The following ULK2 variants were observed in gnomAD, a reference collection of about 807,000 sequenced individuals.
The protein encoded by ULK2 is unc-51 like autophagy activating kinase 2, also known as serine/threonine-protein kinase ULK2.
Under a neutral mutation model 127.5 loss-of-function variants are expected in ULK2, and 76 were observed. The ratio of observed to expected loss-of-function variants is 0.60; its 90% confidence interval spans 0.50 to 0.72. The LOEUF (loss-of-function observed/expected upper bound fraction) is 0.72, where lower values mean the gene tolerates loss of function less well. Ranked by LOEUF, ULK2 falls within the 30% of genes least tolerant of loss-of-function variation. The probability of loss-of-function intolerance (pLI) is 0.00; values close to 1 mark genes in which losing one functional copy is unlikely to be tolerated. For missense variants in ULK2, 1,144 were observed against 1,295.9 expected, an observed-to-expected ratio of 0.88 and a Z score of 1.80; for synonymous variants, 452 against 461.9, an observed-to-expected ratio of 0.98 and a Z score of 0.28.
At chr17:19,865,214 C>T (rs2042327635) in intron 2 of ULK2, among the ~76,000 whole-genome samples, 1 of 152,116 alleles carries the variant, frequency 6.6e-6, no homozygotes, top group Non-Finnish European at 1.5e-5. Flanking sequence ...CTTTAATGAG[C>T]CATAGGCTTT....
intron 16 of ULK2, among the ~76,000 whole-genome samples, chr17:19,800,890 G>A (rs561695189): frequency 2.0e-5 from 3 of 152,170 alleles, no homozygotes; most frequent in Non-Finnish European, 4.4e-5. Flanking sequence ...TCTGCAGTTT[G>A]AGCTTTTATT....
chr17:19,778,466 C>T (rs923986554), intron 25 of ULK2, among the ~76,000 whole-genome samples: 1 of 152,114 alleles, frequency 6.6e-6, no homozygotes, highest in African/African-American at 2.4e-5. Context: ...AGGGGCTCTC[C>T]AGAAAGAGGG....
chr17:19,782,962 G>A (rs1268251480), intron 22 of ULK2, among the ~76,000 whole-genome samples: 1 of 143,416 alleles, frequency 7.0e-6, no homozygotes, highest in Non-Finnish European at 1.5e-5. Flanking sequence ...AAATAAATGG[G>A]TATTCTAGAT....
Position 19,786,054 on chromosome 17 carries a change from G to A in ULK2, c.2134C>T (p.Pro712Ser). The A allele has an allele frequency of 6.4e-7, 1 of 1,571,068 alleles. No homozygotes were observed. Among genetic ancestry groups the A allele is most frequent in the Non-Finnish European group, 8.6e-7 (1 of 1,165,170 alleles). ...PAGACGGVLA[P>S]PAGTAASSKA... ...GAACTTGCTGCTGTACCTGCAGGAG[G>A]TGCCAGAACACCACCACAGGCTCCT... The change falls in exon 21 of 27, where the codon CCT becomes TCT. Residue 712 changes from proline to serine, a missense_variant. Around this residue, in one of 2 missense-constraint regions of ULK2, gnomAD observed 913 missense variants for 970.5 expected, o/e 0.94. Coordinates refer to ENST00000395544, the MANE Select transcript of ULK2 (RefSeq NM_014683.4).
intron 3 of ULK2, among the ~76,000 whole-genome samples, chr17:19,853,446 G>T (rs2042060481): frequency 6.6e-6 from 1 of 151,378 alleles, no homozygotes. Flanking sequence ...CCTAATTCCT[G>T]GTTTCTAAAC....
At chr17:19,840,220 C>A in intron 9 of ULK2, 1 of 503,656 alleles carries the variant, frequency 2.0e-6, no homozygotes, top group Non-Finnish European at 4.1e-6. Flanking sequence ...ACCCGACGGG[C>A]GCAAGTTGAG....
At chr17:19,842,232 T>C (rs1367253893) in intron 8 of ULK2, among the ~76,000 whole-genome samples, 1 of 147,260 alleles carries the variant, frequency 6.8e-6, no homozygotes, top group Non-Finnish European at 1.5e-5. Context: ...AGTTTCGCTC[T>C]TGTTGCCCAG....
intron 13 of ULK2, among the ~76,000 whole-genome samples, chr17:19,814,429 TATA>T (rs1567696415): frequency 2.4e-4 from 4 of 16,714 alleles, no homozygotes; most frequent in Admixed American, 7.6e-4. Flanking sequence ...TATATATATA[TATA>T]TATATATTTT....
intron 25 of ULK2, 90 bp downstream of exon 25, chr17:19,780,382 T>C: frequency 4.1e-6 from 5 of 1,231,224 alleles, no homozygotes; most frequent in Non-Finnish European, 5.4e-6. Context: ...ACATTATCTT[T>C]TAAAAGGATA....
chr17:19,787,023 G>A (rs1290396453), intron 20 of ULK2, among the ~76,000 whole-genome samples: 5 of 146,506 alleles, frequency 3.4e-5, no homozygotes, highest in African/African-American at 1.0e-4. Flanking sequence ...TTTTGGAGAC[G>A]GAATCTCACT....
chr17:19,776,739 G>T (rs2086818853), intron 26 of ULK2, among the ~76,000 whole-genome samples: 1 of 152,156 alleles, frequency 6.6e-6, no homozygotes, highest in Non-Finnish European at 1.5e-5. Flanking sequence ...GCTTGTATGT[G>T]ATAAGTAATA....
intron 15 of ULK2, among the ~76,000 whole-genome samples, chr17:19,802,963 C>A (rs1041446008): frequency 1.3e-5 from 2 of 151,972 alleles, no homozygotes; most frequent in African/African-American, 4.8e-5. Flanking sequence ...AAAATATCAC[C>A]CTCAATTTTA....
rs1172236639 is a variant in ULK2 at position 19,845,320 on chromosome 17, CCA to C, written c.525_526del (p.Cys175TrpfsTer9). 5.0e-6 allele frequency: 8 copies of C among 1,613,674 alleles called. No individual in the cohort carries two copies. Among genetic ancestry groups the C allele is most frequent in the Non-Finnish European group, 6.8e-6 (8 of 1,179,726 alleles). ...CTCACTCACCATGTACATCGGGGAT[CCA>C]CACAGTGTTGCAGCCATCATGTTAC... On this transcript the variant is annotated frameshift_variant, in exon 7 of 27. Transcript: ENST00000395544. LOFTEE classifies it high-confidence loss of function.
At chr17:19,843,062 A>T in intron 8 of ULK2, 59 bp downstream of exon 8, 1 of 1,304,164 alleles carries the variant, frequency 7.7e-7, no homozygotes, top group East Asian at 2.3e-5. Flanking sequence ...TACAAATCAA[A>T]CGCAACTATA....
chr17:19,840,501 A>C lies in ULK2; in HGVS notation c.704+988T>G, dbSNP rs565502443. 4.4e-5 allele frequency: 20 copies of C among 456,486 alleles called. 1 individual carries two copies. The Admixed American group carries it at 5.1e-4, about 12-fold the overall frequency. 28.3% of individuals were successfully genotyped at this position (456,486 alleles called of 1,614,324 possible). ...GGAAGGAAAATTGGATCAAACATTT[A>C]ACCTCTCATATTAAGTCTGTCAATG... On this transcript the variant is annotated intron_variant, in intron 9 of 26. Transcript: ENST00000395544.
intron 3 of ULK2, chr17:19,860,886 T>C (rs2042227579): frequency 6.6e-6 from 1 of 152,028 alleles, no homozygotes; most frequent in South Asian, 2.1e-4. Context: ...ATGGTAGAAT[T>C]CTCGCCTCCC....
At chr17:19,834,685 G>C (rs2152395186) in intron 10 of ULK2, among the ~76,000 whole-genome samples, 1 of 152,252 alleles carries the variant, frequency 6.6e-6, no homozygotes, top group East Asian at 1.9e-4. Flanking sequence ...GCCGAGGCAG[G>C]ATGTGCGCTT....
intron 9 of ULK2, chr17:19,840,167 G>A: frequency 2.1e-6 from 1 of 470,020 alleles, no homozygotes; most frequent in Non-Finnish European, 4.3e-6. Context: ...TGGCCACTGT[G>A]CCCCCGACCC....
In ULK2 at chr17:19,836,280, G is replaced by A. The variant is rs185017204; in HGVS notation, c.787+2221C>T. On this transcript the variant is annotated intron_variant, in intron 10 of 26. Coordinates refer to ENST00000395544, the MANE Select transcript of ULK2 (RefSeq NM_014683.4). ...AAAAATTAGCCGGGCATAGTGGCATGTGCCTGTAATCCCAGTTACTCAGAA... is the reference window on the plus strand; with the variant it reads ...AAAAATTAGCCGGGCATAGTGGCATATGCCTGTAATCCCAGTTACTCAGAA... 3.9e-5 allele frequency among the ~76,000 whole-genome samples: 6 copies of A among 152,218 alleles called. No individual in the cohort carries two copies. In the East Asian group the frequency reaches 9.7e-4, roughly 25 times the overall value.
Sources: gnomAD v4.1 joint callset for allele counts (sites outside exome capture counted in the v4.1 genomes callset) on GRCh38, gnomAD v4.1.1 for gene constraint, gnomAD v4.1.1 regional missense constraint, MANE v1.5 for transcripts, NCBI Gene and HGNC (gene_info 2026-07-23, HGNC 2026-07-21) for gene names.